YES1: variants seen among roughly 807,000 people sequenced by gnomAD.
The protein encoded by YES1 is YES proto-oncogene 1, Src family tyrosine kinase.
YES1 carries 39 observed loss-of-function variants against 70.4 expected under a neutral mutation model. The ratio of observed to expected loss-of-function variants is 0.55; its 90% confidence interval spans 0.43 to 0.72. YES1 has a LOEUF of 0.72. YES1 is among the 30% of genes least tolerant of loss of function. YES1 has a pLI of 0.00. For synonymous variants in YES1, 198 were observed against 218.6 expected, an observed-to-expected ratio of 0.91 and a Z score of 0.83; for missense variants, 495 against 644.8, an observed-to-expected ratio of 0.77 and a Z score of 2.52.
intron 1 of YES1, among the ~76,000 whole-genome samples, chr18:804,261 A>T (rs1284165247): frequency 6.6e-6 from 1 of 152,254 alleles, no homozygotes; most frequent in Non-Finnish European, 1.5e-5. Context: ...GTTAACTGAC[A>T]TCATAACTAT....
chr18:728,995 A>G (rs1361434368), intron 11 of YES1, among the ~76,000 whole-genome samples: 1 of 152,186 alleles, frequency 6.6e-6, no homozygotes, highest in African/African-American at 2.4e-5. Context: ...TATCATATTT[A>G]GAAGATTTTT....
chr18:807,953 G>A (rs1907181671), intron 1 of YES1, among the ~76,000 whole-genome samples: 3 of 152,176 alleles, frequency 2.0e-5, no homozygotes, highest in Admixed American at 2.0e-4. Flanking sequence ...ACAGCTTACT[G>A]TACATTTGAA....
At chr18:727,564 T>C (rs2080035533) in intron 11 of YES1, among the ~76,000 whole-genome samples, 1 of 147,678 alleles carries the variant, frequency 6.8e-6, no homozygotes, top group South Asian at 2.2e-4. Context: ...CAATGTTCAA[T>C]TTTTTCTCTC....
rs142660108 is a variant in YES1, at chr18:798,704, G to A, written c.-9+13410C>T. ...TCTGACCCCCTCCCTCCACCAGTGCGCTTCCTAACCTTTCATATAAGAAGT... is the reference window on the plus strand; with the variant it reads ...TCTGACCCCCTCCCTCCACCAGTGCACTTCCTAACCTTTCATATAAGAAGT... On this transcript the variant is annotated intron_variant, in intron 1 of 11. Transcript: ENST00000314574. Among the ~76,000 whole-genome samples the A allele has an allele frequency of 1.3e-3, 202 of 152,194 alleles. 5 individuals carry two copies. Among genetic ancestry groups the A allele is most frequent in the East Asian group, 6.8e-3 (35 of 5,168 alleles).
At chr18:765,859 C>T (rs1050854899) in intron 1 of YES1, among the ~76,000 whole-genome samples, 1 of 152,036 alleles carries the variant, frequency 6.6e-6, no homozygotes. Flanking sequence ...GGTGACTTTA[C>T]CAAGAGCATT....
upstream of YES1, chr18:812,329 C>CCCCCCCCCCGGCCCCG (rs1568226251): frequency 2.1e-4 from 1 of 4,782 alleles, no homozygotes; most frequent in African/African-American, 2.2e-3. Context: ...CCTCCTCCGC[C>CCCCCCCCCCGGCCCCG]CCCCCCCCCC....
chr18:751,837 T>C lies in YES1; in HGVS notation c.272-33A>G, dbSNP rs59710020. 1,669 of 1,229,372 alleles carry C rather than the reference T, an allele frequency of 1.4e-3. 17 individuals carry two copies. The African/African-American group carries it at 0.022, about 16-fold the overall frequency. 76.2% of individuals were successfully genotyped at this position (1,229,372 alleles called of 1,614,324 possible). On this transcript the variant is annotated intron_variant, in intron 2 of 11. Transcript: ENST00000314574. ...AGGGAAAAAAGACCAAGGTAAATTA[T>C]GTAGCTAACTTAACAAAACAGAAAA...
At chr18:775,792 G>A (rs1272023636) in intron 1 of YES1, among the ~76,000 whole-genome samples, 1 of 151,620 alleles carries the variant, frequency 6.6e-6, no homozygotes, top group African/African-American at 2.4e-5. Flanking sequence ...GTGAGAACTT[G>A]CCTCAAATAA....
At chr18:728,875 G>T (rs2080052755) in intron 11 of YES1, among the ~76,000 whole-genome samples, 1 of 152,130 alleles carries the variant, frequency 6.6e-6, no homozygotes, top group African/African-American at 2.4e-5. Context: ...CCTCCTTATG[G>T]CTGTTTGGCT....
chr18:757,485 A>G (rs1180077605), intron 1 of YES1, among the ~76,000 whole-genome samples: 2 of 144,494 alleles, frequency 1.4e-5, no homozygotes, highest in African/African-American at 2.6e-5. Context: ...CCTGGGCGAC[A>G]GAGCGAGACT....
At chr18:805,579 C>T (rs1329563797) in intron 1 of YES1, among the ~76,000 whole-genome samples, 1 of 152,134 alleles carries the variant, frequency 6.6e-6, no homozygotes, top group Non-Finnish European at 1.5e-5. Context: ...TTTACTGAAT[C>T]GACCAAGGCT....
At chr18:733,873 TTTAAG>T (rs1407225117) in intron 10 of YES1, among the ~76,000 whole-genome samples, 4 of 152,094 alleles carry the variant, frequency 2.6e-5, no homozygotes, top group Non-Finnish European at 5.9e-5. Flanking sequence ...TCTTACATTC[TTTAAG>T]TTATTTATAT....
intron 1 of YES1, among the ~76,000 whole-genome samples, chr18:769,862 G>A (rs1320730160): frequency 6.6e-6 from 1 of 151,768 alleles, no homozygotes; most frequent in Non-Finnish European, 1.5e-5. Context: ...GAACCACATT[G>A]TTCTTTAGTA....
At position 722,403 on chromosome 18, in the gene YES1, G is replaced by A. The variant is rs1303294148; in HGVS notation, c.*2021C>T. The A allele has an allele frequency of 2.6e-5, 4 of 152,510 alleles. No individual in the cohort carries two copies. The highest frequency in any genetic ancestry group is 2.1e-4 in the South Asian group (1 of 4,826). 9.4% of individuals were successfully genotyped at this position (152,510 alleles called of 1,614,324 possible). On this transcript the variant is annotated 3_prime_UTR_variant, in exon 12 of 12. Coordinates refer to ENST00000314574, the MANE Select transcript of YES1 (RefSeq NM_005433.4). ...AAATGGTTTGAATTTGAACATATAT[G>A]CCATGGCACAGAATTTCGAATCTGA...
At chr18:782,163 T>C (rs147671864) in intron 1 of YES1, among the ~76,000 whole-genome samples, 4 of 152,344 alleles carry the variant, frequency 2.6e-5, no homozygotes, top group Non-Finnish European at 5.9e-5. Context: ...TTAGTCTCTC[T>C]TCATCTTTCA....
At chr18:726,980 G>A (rs985366978) in intron 11 of YES1, among the ~76,000 whole-genome samples, 5 of 152,026 alleles carry the variant, frequency 3.3e-5, no homozygotes, top group African/African-American at 7.2e-5. Flanking sequence ...ATCGGTCCAC[G>A]CTACATGTGG....
At chr18:783,622 T>C (rs1259442992) in intron 1 of YES1, among the ~76,000 whole-genome samples, 9 of 151,666 alleles carry the variant, frequency 5.9e-5, no homozygotes, top group Admixed American at 2.6e-4. Context: ...TTTCTCTTTT[T>C]TTTTTTTTTT....
At chr18:755,821 C>A (rs961875679) in intron 2 of YES1, among the ~76,000 whole-genome samples, 1 of 152,142 alleles carries the variant, frequency 6.6e-6, no homozygotes, top group Non-Finnish European at 1.5e-5. Flanking sequence ...CCTTTTTAAG[C>A]CAGCTATACT....
chr18:772,266 T>C, intron 1 of YES1, among the ~76,000 whole-genome samples: 1 of 151,802 alleles, frequency 6.6e-6, no homozygotes, highest in East Asian at 1.9e-4. Flanking sequence ...CAACCTCAAG[T>C]GATCCTCCCA....
Sources: gnomAD v4.1 joint callset for allele counts (sites outside exome capture counted in the v4.1 genomes callset) on GRCh38, gnomAD v4.1.1 for gene constraint, MANE v1.5 for transcripts, NCBI Gene and HGNC (gene_info 2026-07-23, HGNC 2026-07-21) for gene names.